PTPN21: variants seen among roughly 807,000 people sequenced by gnomAD.
The protein encoded by PTPN21 is tyrosine-protein phosphatase non-receptor type 21.
In PTPN21, 77 loss-of-function variants were observed where a neutral mutation model predicts 131.8. That is an observed-to-expected ratio of 0.58 (90% CI 0.49 to 0.71). PTPN21 has a LOEUF of 0.71. Ranked by LOEUF, PTPN21 falls within the 30% of genes least tolerant of loss-of-function variation. The probability of loss-of-function intolerance (pLI) is 0.00; values close to 1 mark genes in which losing one functional copy is unlikely to be tolerated. For missense variants in PTPN21, 1,552 were observed against 1,527.1 expected (o/e 1.02, Z -0.27); for synonymous variants, 715 against 621.3 (o/e 1.15, Z -2.24).
chr14:88,553,544 T>A (rs957195192), intron 1 of PTPN21, among the ~76,000 whole-genome samples: 3 of 151,998 alleles, frequency 2.0e-5, no homozygotes, highest in Non-Finnish European at 4.4e-5. Flanking sequence ...ATGAAAGTGA[T>A]TGGGTCTGGA....
chr14:88,492,891 G>T, intron 10 of PTPN21: 1 of 337,452 alleles, frequency 3.0e-6, no homozygotes, highest in Non-Finnish European at 5.8e-6. Context: ...CAGGGGACAC[G>T]AAGATGAGGA....
intron 3 of PTPN21, among the ~76,000 whole-genome samples, chr14:88,511,066 C>A (rs920508697): frequency 6.6e-6 from 1 of 151,930 alleles, no homozygotes; most frequent in African/African-American, 2.4e-5. Flanking sequence ...GTGTACACCA[C>A]CACAGCTGGC....
At chr14:88,522,897 A>G (rs1466984564) in intron 2 of PTPN21, among the ~76,000 whole-genome samples, 1 of 152,130 alleles carries the variant, frequency 6.6e-6, no homozygotes, top group African/African-American at 2.4e-5. Context: ...TTGAGCAACA[A>G]AGTATTGTGA....
Position 88,472,396 on chromosome 14 carries a change from G to C in PTPN21, c.2719C>G (p.Arg907Gly). The C allele has an allele frequency of 3.1e-6, 5 of 1,613,926 alleles. No individual in the cohort carries two copies. The highest frequency in any genetic ancestry group is 4.2e-6 in the Non-Finnish European group (5 of 1,179,844). ...FTEYERILKK[R>G]LVDGECSTAR... ...GTTGAGCACTCCCCATCAACTAGCCGTTTCTTAAGAATTCTTTCATATTCT... is the reference window on the plus strand; with the variant it reads ...GTTGAGCACTCCCCATCAACTAGCCCTTTCTTAAGAATTCTTTCATATTCT... Residue 907 changes from arginine (R) to glycine (G), a missense_variant, in exon 15 of 19, where the codon CGG becomes GGG. Physicochemically the swap from Arg to Gly is moderately radical, Grantham distance 125. Transcript: ENST00000556564.
intron 10 of PTPN21, among the ~76,000 whole-genome samples, chr14:88,490,311 CAT>C (rs1422753993): frequency 1.3e-5 from 2 of 151,972 alleles, no homozygotes; most frequent in South Asian, 2.1e-4. Flanking sequence ...GACCGGCCGA[CAT>C]GTGTGGTTTT....
chr14:88,500,835 G>A lies in PTPN21; in HGVS notation c.712C>T (p.Leu238Phe). ...TTGTGTTTCACAAAGATACCTTCAA[G>A]ACACGCTCCAATGGATATGTCACTT... ...QGSDISIGAC[L>F]EGIFVKHKNG... Residue 238 changes from leucine to phenylalanine, a missense_variant, in exon 8 of 19, where the codon CTT becomes TTT. This residue lies in a region of PTPN21 where 1,016 missense variants were observed against 883.5 expected (regional missense o/e 1.15). Coordinates refer to ENST00000556564, the MANE Select transcript of PTPN21 (RefSeq NM_007039.4). 2 of 1,613,842 alleles carry A rather than the reference G, an allele frequency of 1.2e-6. No individual in the cohort carries two copies. Among genetic ancestry groups the A allele is most frequent in the Non-Finnish European group, 1.7e-6 (2 of 1,179,772 alleles).
intron 2 of PTPN21, among the ~76,000 whole-genome samples, chr14:88,531,408 T>C (rs944404642): frequency 7.2e-5 from 11 of 151,914 alleles, no homozygotes; most frequent in African/African-American, 2.4e-4. Context: ...ATTACAAAAA[T>C]TAGCCAGGCA....
chr14:88,466,916 G>C lies in PTPN21; in HGVS notation c.*1221C>G, dbSNP rs1202409807. Reference sequence around the variant, plus strand: ...AAAAGGAAAAATACGCCTCTTTAAGGCTTCTTTTAATGATACTATAATGCT... The same window carrying C: ...AAAAGGAAAAATACGCCTCTTTAAGCCTTCTTTTAATGATACTATAATGCT... On this transcript the variant is annotated 3_prime_UTR_variant, in exon 19 of 19. Transcript: ENST00000556564. 1 of 152,098 alleles carries C rather than the reference G, an allele frequency of 6.6e-6. No homozygotes were observed. Among genetic ancestry groups the C allele is most frequent in the South Asian group, 2.1e-4 (1 of 4,822 alleles). 9.4% of individuals were successfully genotyped at this position (152,098 alleles called of 1,614,324 possible).
chr14:88,479,244 A>G lies in PTPN21; in HGVS notation c.2187T>C (p.Pro729=). 3.7e-6 allele frequency: 6 copies of G among 1,610,374 alleles called. No individual in the cohort carries two copies. The highest frequency in any genetic ancestry group is 5.1e-6 in the Non-Finnish European group (6 of 1,178,320). ...FEEESGARAP[P]ARAREPRPGL... is the part of the protein sequence containing the mutation. ...CGGGCCGAGGCTCGCGCGCACGTGC[A>G]GGAGGCGCCCGGGCCCCGCTCTCCT... Residue 729 remains proline (P), a synonymous_variant, in exon 13 of 19, where the codon CCT becomes CCC. Coordinates refer to ENST00000556564, the MANE Select transcript of PTPN21 (RefSeq NM_007039.4).
chr14:88,497,672 G>C (rs772577514), intron 8 of PTPN21, among the ~76,000 whole-genome samples: 5 of 152,092 alleles, frequency 3.3e-5, no homozygotes, highest in African/African-American at 4.8e-5. Flanking sequence ...CCAGCTACTC[G>C]GGAGGCTGAG....
At chr14:88,522,149 G>A (rs986592787) in intron 2 of PTPN21, among the ~76,000 whole-genome samples, 7 of 151,536 alleles carry the variant, frequency 4.6e-5, no homozygotes, top group East Asian at 2.0e-4. Context: ...GGCTTAGGCC[G>A]GGCGTGGTGG....
chr14:88,478,928 G>A lies in PTPN21; in HGVS notation c.2503C>T (p.Pro835Ser). ...GKKNIVEGLP[P>S]LGGMKKTRVD... ...CTCGCCGCGTGGCTTACCCCTAGAG[G>A]CGGGAGCCCTTCCACGATGTTCTTC... is the stretch of plus-strand genomic sequence containing the variant. Residue 835 changes from proline to serine, a missense_variant, in exon 13 of 19, where the codon CCT (proline) becomes TCT (serine). Physicochemically the swap from Pro to Ser is moderately conservative, Grantham distance 74 (BLOSUM62 -1). Coordinates refer to ENST00000556564, the MANE Select transcript of PTPN21 (RefSeq NM_007039.4). 1.3e-6 allele frequency: 2 copies of A among 1,505,248 alleles called. No individual in the cohort carries two copies. Among genetic ancestry groups the A allele is most frequent in the Non-Finnish European group, 8.9e-7 (1 of 1,128,124 alleles). 93.2% of individuals were successfully genotyped at this position (1,505,248 alleles called of 1,614,324 possible). A position where few individuals can be genotyped will look rare whatever the true frequency, so the allele number is the denominator to read the frequency against.
At chr14:88,518,976 TAC>T (rs2078347121) in intron 2 of PTPN21, among the ~76,000 whole-genome samples, 127 of 77,654 alleles carry the variant, frequency 1.6e-3, no homozygotes, top group African/African-American at 5.3e-3. Flanking sequence ...TCTCTCTCCC[TAC>T]ACACACACAC....
At chr14:88,472,788 T>G (rs1304902526) in intron 14 of PTPN21, among the ~76,000 whole-genome samples, 1 of 152,094 alleles carries the variant, frequency 6.6e-6, no homozygotes, top group African/African-American at 2.4e-5. Flanking sequence ...GAGGATTGCT[T>G]GAGCCCAGGA....
At chr14:88,501,425 A>G in intron 6 of PTPN21, 57 bp from the exon 7 acceptor site, 1 of 1,435,344 alleles carries the variant, frequency 7.0e-7, no homozygotes, top group South Asian at 1.2e-5. Flanking sequence ...GGTTTAAAAT[A>G]AAGCTTTTCT....
At chr14:88,499,187 A>G (rs1368193808) in intron 8 of PTPN21, 1 of 152,196 alleles carries the variant, frequency 6.6e-6, no homozygotes, top group African/African-American at 2.4e-5. Flanking sequence ...CGAGAGAGCA[A>G]CTGCCAAAGG....
intron 12 of PTPN21, among the ~76,000 whole-genome samples, chr14:88,483,656 C>T (rs190703152): frequency 3.3e-4 from 50 of 152,272 alleles, no homozygotes; most frequent in African/African-American, 1.2e-3. Context: ...TCATTCTGTG[C>T]CTGGCGTTCA....
In PTPN21 at chr14:88,480,045, C is replaced by G; in HGVS notation, c.1386G>C (p.Leu462=). 6.2e-7 allele frequency: 1 copy of G among 1,614,038 alleles called. No individual in the cohort carries two copies. The highest frequency in any genetic ancestry group is 8.5e-7 in the Non-Finnish European group (1 of 1,180,036). ...ETVMKQLNRG[L]VHAERQSHSL... ...AGTGGCTCTGCCGTTCCGCATGCAC[C>G]AGGCCCCTGTTGAGCTGCTTCATCA... Residue 462 remains leucine, a synonymous_variant, in exon 13 of 19, where the codon CTG becomes CTC. Transcript: ENST00000556564.
chr14:88,550,668 T>C (rs1371701111), intron 1 of PTPN21, 49 bp from the exon 2 acceptor site: 3 of 412,148 alleles, frequency 7.3e-6, no homozygotes, highest in African/African-American at 6.0e-5. Flanking sequence ...CGCTGGGCTT[T>C]GCTTGTATAA....
Sources: allele counts gnomAD v4.1 joint callset (sites outside exome capture counted in the v4.1 genomes callset), GRCh38; gene constraint gnomAD v4.1.1; regional missense constraint gnomAD v4.1.1; transcripts MANE v1.5; gene names NCBI Gene and HGNC (gene_info 2026-07-23, HGNC 2026-07-21).